SCAI: variants seen among roughly 807,000 people sequenced by gnomAD.
The protein encoded by SCAI is protein SCAI.
Under a neutral mutation model 92.2 loss-of-function variants are expected in SCAI, and 24 were observed. That is an observed-to-expected ratio of 0.26 (90% CI 0.19 to 0.37). The LOEUF (loss-of-function observed/expected upper bound fraction) is 0.37, where lower values mean the gene tolerates loss of function less well. Ranked by LOEUF, SCAI falls within the 10% of genes least tolerant of loss-of-function variation. SCAI has a pLI of 1.00. For synonymous variants in SCAI, 261 were observed against 258.6 expected (o/e 1.01, Z -0.09); for missense variants, 450 against 736.2 (o/e 0.61, Z 4.50).
intron 3 of SCAI, among the ~76,000 whole-genome samples, chr9:125,044,717 G>T (rs2064759298): frequency 6.6e-6 from 1 of 152,202 alleles, no homozygotes; most frequent in South Asian, 2.1e-4. Context: ...CACGTTGTAG[G>T]CAATGAGAAG....
intron 13 of SCAI, among the ~76,000 whole-genome samples, chr9:124,999,056 A>G (rs899091923): frequency 6.6e-6 from 1 of 152,078 alleles, no homozygotes; most frequent in African/African-American, 2.4e-5. Context: ...TACCCCAGGA[A>G]TATTTACAAT....
intron 6 of SCAI, among the ~76,000 whole-genome samples, chr9:125,023,302 A>G (rs1186495058): frequency 1.3e-5 from 2 of 152,340 alleles, no homozygotes; most frequent in East Asian, 3.9e-4. Flanking sequence ...CCATGGGAAA[A>G]TGAACTAGGG....
At chr9:124,973,971 G>A (rs1015974572) in intron 15 of SCAI, among the ~76,000 whole-genome samples, 6 of 152,134 alleles carry the variant, frequency 3.9e-5, no homozygotes, top group Admixed American at 6.5e-5. Flanking sequence ...TAACGTCCAC[G>A]TTAGACATTA....
intron 2 of SCAI, among the ~76,000 whole-genome samples, chr9:125,106,144 T>A (rs1286861376): frequency 5.5e-5 from 6 of 108,642 alleles, no homozygotes; most frequent in South Asian, 3.1e-4. Flanking sequence ...TATATATATA[T>A]ATATATATAT....
At chr9:125,101,474 A>T (rs1238014626) in intron 2 of SCAI, among the ~76,000 whole-genome samples, 1 of 152,210 alleles carries the variant, frequency 6.6e-6, no homozygotes, top group African/African-American at 2.4e-5. Context: ...AATGACTCCA[A>T]GGCCTTTGAT....
At chr9:125,092,131 TAAAAAAAAAAAA>T (rs71374225) in intron 2 of SCAI, among the ~76,000 whole-genome samples, 12,202 of 60,226 alleles carry the variant, frequency 0.2, 1,522 homozygotes, top group Non-Finnish European at 0.27. Context: ...CTCCGTCTCT[TAAAAAAAAAAAA>T]AAAAAAAAAA....
intron 2 of SCAI, among the ~76,000 whole-genome samples, chr9:125,057,748 G>A (rs1833699542): frequency 6.6e-6 from 1 of 152,178 alleles, no homozygotes; most frequent in African/African-American, 2.4e-5. Flanking sequence ...CCACATAGAA[G>A]GGTTCAAAGC....
In SCAI at chr9:125,029,639, T is replaced by C; in HGVS notation, c.326+5A>G. The C allele has an allele frequency of 1.9e-6, 3 of 1,597,670 alleles. No homozygotes were observed. The highest frequency in any genetic ancestry group is 1.1e-5 in the South Asian group (1 of 90,000). On this transcript the variant is annotated splice_donor_5th_base_variant and intron_variant, in intron 4 of 17. Coordinates refer to ENST00000336505, the MANE Select transcript of SCAI (RefSeq NM_001144877.3). ...CACTCTCCTTTAACTATAAAATTCA[T>C]TTACCGATGCTGCTGCTGGAACTTC...
chr9:125,028,534 T>C (rs1479826784), intron 4 of SCAI, 56 bp from the exon 5 acceptor site: 8 of 903,030 alleles, frequency 8.9e-6, no homozygotes, highest in South Asian at 5.6e-5. Context: ...CCAAAACTAA[T>C]CAAATCTGTA....
At chr9:124,972,452 T>C (rs1024049087) in intron 15 of SCAI, among the ~76,000 whole-genome samples, 2 of 152,212 alleles carry the variant, frequency 1.3e-5, no homozygotes, top group South Asian at 2.1e-4. Flanking sequence ...AAAATGTGAC[T>C]AGATGAGTAA....
intron 6 of SCAI, among the ~76,000 whole-genome samples, chr9:125,024,442 A>AT (rs1408812898): frequency 4.6e-5 from 7 of 151,900 alleles, no homozygotes. Flanking sequence ...CGCCCGGCTA[A>AT]TTTTTTGTAT....
chr9:124,985,696 C>T (rs1024490900), intron 14 of SCAI, among the ~76,000 whole-genome samples: 7 of 151,690 alleles, frequency 4.6e-5, no homozygotes, highest in Non-Finnish European at 7.4e-5. Context: ...GGAGAAACCC[C>T]GTCTCTACTA....
At chr9:124,979,909 G>C (rs1250391385) in intron 14 of SCAI, among the ~76,000 whole-genome samples, 1 of 152,010 alleles carries the variant, frequency 6.6e-6, no homozygotes, top group Non-Finnish European at 1.5e-5. Context: ...AATTAGCCGG[G>C]CATGGTGGCA....
At chr9:125,120,196 T>C (rs921843436) in intron 2 of SCAI, among the ~76,000 whole-genome samples, 8 of 152,238 alleles carry the variant, frequency 5.3e-5, no homozygotes, top group Non-Finnish European at 1.0e-4. Flanking sequence ...CAATCTGTCA[T>C]ACCAATACAT....
At chr9:124,967,574 TTCC>T (rs1831565382) in intron 17 of SCAI, among the ~76,000 whole-genome samples, 2 of 152,172 alleles carry the variant, frequency 1.3e-5, no homozygotes, top group Admixed American at 1.3e-4. Context: ...TGGCTTTTTT[TTCC>T]TCCTTTCTTG....
At chr9:125,011,937 G>T (rs951878588) in intron 9 of SCAI, among the ~76,000 whole-genome samples, 2 of 152,068 alleles carry the variant, frequency 1.3e-5, no homozygotes, top group Non-Finnish European at 2.9e-5. Context: ...AACTAAGCTT[G>T]ATAAGTGAAG....
chr9:125,063,135 C>T lies in SCAI; in HGVS notation c.99-7128G>A, dbSNP rs140151304. On this transcript the variant is annotated intron_variant, in intron 2 of 17. Coordinates refer to ENST00000336505, the MANE Select transcript of SCAI (RefSeq NM_001144877.3). The stretch of plus-strand genomic sequence containing the variant: ...CAGAAAAGGGCAAGATTAGGCCCAG[C>T]GCAGTAGCTCACGCCTGTAATCCCA... Among the ~76,000 whole-genome samples the T allele has an allele frequency of 2.6e-3, 382 of 145,032 alleles. 1 individual carries two copies. The highest frequency in any genetic ancestry group is 4.4e-3 in the Non-Finnish European group (293 of 65,920).
At chr9:125,102,502 A>G (rs1834697323) in intron 2 of SCAI, among the ~76,000 whole-genome samples, 1 of 152,038 alleles carries the variant, frequency 6.6e-6, no homozygotes, top group Non-Finnish European at 1.5e-5. Context: ...CTCTGACCAC[A>G]ACTTCACCAT....
chr9:125,098,294 C>G (rs978905564), intron 2 of SCAI, among the ~76,000 whole-genome samples: 2 of 152,010 alleles, frequency 1.3e-5, no homozygotes, highest in African/African-American at 4.8e-5. Flanking sequence ...TGGCCTCAAG[C>G]AATCCTCCTG....
Sources: allele counts gnomAD v4.1 joint callset (sites outside exome capture counted in the v4.1 genomes callset), GRCh38; gene constraint gnomAD v4.1.1; transcripts MANE v1.5; gene names NCBI Gene and HGNC (gene_info 2026-07-23, HGNC 2026-07-21).